Variants in SUPT20H observed in about 807,000 individuals in gnomAD.
SUPT20H encodes the protein transcription factor SPT20 homolog.
A neutral mutation model predicts 122.8 loss-of-function variants in SUPT20H; 82 were observed. That is an observed-to-expected ratio of 0.67 (90% CI 0.56 to 0.80). The LOEUF is 0.80. Among genes scored for constraint, SUPT20H ranks in the 30% least tolerant of loss-of-function variants. The pLI is 0.00. For missense variants in SUPT20H, 831 were observed against 921.6 expected (o/e 0.90, Z 1.27); for synonymous variants, 291 against 313.0 (o/e 0.93, Z 0.74).
At chr13:37,009,837 T>C in intron 25 of SUPT20H, 28 bp from the exon 26 acceptor site, 1 of 1,600,732 alleles carries the variant, frequency 6.2e-7, no homozygotes, top group Non-Finnish European at 8.5e-7. Context: ...AAAAATCGAG[T>C]TATGTTAAAT....
At chr13:37,036,482 G>A (rs1259461075) in intron 9 of SUPT20H, among the ~76,000 whole-genome samples, 1 of 152,052 alleles carries the variant, frequency 6.6e-6, no homozygotes, top group South Asian at 2.1e-4. Context: ...ACGCCACCAT[G>A]TCCAGCTAAT....
chr13:37,025,054 G>A, intron 17 of SUPT20H: 1 of 360,276 alleles, frequency 2.8e-6, no homozygotes, highest in South Asian at 2.2e-5. Flanking sequence ...AGATTCTCCT[G>A]TCTCAGCCTC....
intron 22 of SUPT20H, 43 bp downstream of exon 22, chr13:37,019,299 C>G (rs2061080648): frequency 6.7e-7 from 1 of 1,487,446 alleles, no homozygotes; most frequent in Non-Finnish European, 9.2e-7. Flanking sequence ...GAAAAAAAGT[C>G]AATGTACAAA....
intron 21 of SUPT20H, among the ~76,000 whole-genome samples, chr13:37,020,733 T>C (rs1227365958): frequency 4.6e-5 from 7 of 152,208 alleles, no homozygotes; most frequent in African/African-American, 7.2e-5. Flanking sequence ...TAAATTTTTC[T>C]AGATTGTTTT....
In SUPT20H at chr13:37,044,166, C is replaced by T. The variant is rs375929731; in HGVS notation, c.308G>A (p.Arg103Gln). The T allele has an allele frequency of 6.2e-6, 10 of 1,610,138 alleles. No homozygotes were observed. The highest frequency in any genetic ancestry group is 1.1e-5 in the South Asian group (1 of 90,232). The part of the protein sequence containing the change: ...GKNGSDSETI[R>Q]LPYEEGELLE... Reference sequence around the variant, plus strand: ...CAACTCTCCTTCTTCATAGGGCAGTCGAATGGTCTCGGAATCTTAATTTAA... The same window carrying T: ...CAACTCTCCTTCTTCATAGGGCAGTTGAATGGTCTCGGAATCTTAATTTAA... The change falls in exon 7 of 26, where the codon CGA becomes CAA. Residue 103 changes from arginine (R) to glutamine (Q), a missense_variant. Physicochemically the swap from Arg to Gln is conservative, Grantham distance 43. Transcript: ENST00000350612.
rs1378949658 is a variant in SUPT20H, at chr13:37,048,744, T to C, written c.4-145A>G. On this transcript the variant is annotated intron_variant, in intron 2 of 25. Transcript: ENST00000350612. ...CCTCCACTCCACTCTATGATCAATATATATATAACAAAGAAAAAATATGAG... is the reference window on the plus strand; with the variant it reads ...CCTCCACTCCACTCTATGATCAATACATATATAACAAAGAAAAAATATGAG... 1.6e-5 allele frequency: 9 copies of C among 570,580 alleles called. No homozygotes were observed. The East Asian group carries it at 3.0e-4, about 19-fold the overall frequency. 35.3% of individuals were successfully genotyped at this position (570,580 alleles called of 1,614,324 possible).
intron 1 of SUPT20H, among the ~76,000 whole-genome samples, chr13:37,055,907 A>C (rs1209978852): frequency 6.6e-6 from 1 of 152,238 alleles, no homozygotes; most frequent in African/African-American, 2.4e-5. Context: ...CAATGAACTC[A>C]AACAAACTTC....
At chr13:37,010,468 A>T in intron 25 of SUPT20H, 84 bp downstream of exon 25, 1 of 1,258,528 alleles carries the variant, frequency 7.9e-7, no homozygotes, top group East Asian at 2.4e-5. Context: ...AAGACAGTAA[A>T]ATAAAACTAA....
intron 9 of SUPT20H, chr13:37,039,437 G>C (rs866593828): frequency 6.6e-6 from 1 of 152,116 alleles, no homozygotes; most frequent in Non-Finnish European, 1.5e-5. Context: ...CATGGAAACA[G>C]TTTTCTGGGA....
intron 7 of SUPT20H, among the ~76,000 whole-genome samples, chr13:37,040,956 T>C (rs1445457634): frequency 6.6e-6 from 1 of 152,222 alleles, no homozygotes; most frequent in Non-Finnish European, 1.5e-5. Context: ...ATCTACCAAG[T>C]CAACAGTTTG....
chr13:37,017,875 CACT>C (rs1555267569), intron 22 of SUPT20H, among the ~76,000 whole-genome samples: 1 of 152,054 alleles, frequency 6.6e-6, no homozygotes, highest in Non-Finnish European at 1.5e-5. Context: ...TTCTGTAGAC[CACT>C]ACTTTCTCTT....
chr13:37,024,047 T>C lies in SUPT20H; in HGVS notation c.1579A>G (p.Ser527Gly), dbSNP rs1297920674. The C allele has an allele frequency of 1.9e-6, 3 of 1,609,948 alleles. No homozygotes were observed. The highest frequency in any genetic ancestry group is 2.5e-6 in the Non-Finnish European group (3 of 1,178,444). ...AGTTATGACTCACTTTGTGATGAGC[T>C]GGCAGGTGATAGGGCAGCTGGAGAA... ...MLSPAALSPA[S>G]SSQRTTATQV... The change falls in exon 19 of 26, where the codon AGC (serine) becomes GGC (glycine). Residue 527 changes from serine to glycine, a missense_variant. By Grantham distance (56) the Ser-to-Gly change is moderately conservative (BLOSUM62 0). Transcript: ENST00000350612.
At chr13:37,025,005 T>C (rs942042117) in intron 17 of SUPT20H, 5 of 305,512 alleles carry the variant, frequency 1.6e-5, no homozygotes, top group South Asian at 5.6e-5. Flanking sequence ...GCAGTGGCGC[T>C]ATCTCGGCTC....
intron 2 of SUPT20H, among the ~76,000 whole-genome samples, chr13:37,050,358 A>AC (rs1302882651): frequency 6.6e-6 from 1 of 150,904 alleles, no homozygotes; most frequent in East Asian, 1.9e-4. Flanking sequence ...AAAAAAAAAA[A>AC]AAAAAAAAAA....
At chr13:37,024,243 G>T (rs1228333518) in intron 18 of SUPT20H, 50 bp from the exon 19 acceptor site, 1 of 1,556,714 alleles carries the variant, frequency 6.4e-7, no homozygotes, top group Non-Finnish European at 8.7e-7. Context: ...AAACTTCTGT[G>T]AACTGTAGAA....
intron 1 of SUPT20H, among the ~76,000 whole-genome samples, chr13:37,057,973 C>A (rs1286529237): frequency 7.0e-3 from 682 of 97,812 alleles, no homozygotes; most frequent in African/African-American, 8.6e-3. Context: ...GACTCCGTCT[C>A]AAAAAAAAAA....
chr13:37,053,995 C>T (rs1390085134), intron 1 of SUPT20H, among the ~76,000 whole-genome samples: 2 of 152,252 alleles, frequency 1.3e-5, no homozygotes, highest in African/African-American at 2.4e-5. Flanking sequence ...AACACCTCTA[C>T]GCAAATAAAC....
chr13:37,034,622 T>C (rs1420303753), intron 9 of SUPT20H, among the ~76,000 whole-genome samples: 1 of 152,206 alleles, frequency 6.6e-6, no homozygotes, highest in Non-Finnish European at 1.5e-5. Context: ...ATATACAAAC[T>C]GCAACAAGTT....
intron 16 of SUPT20H, 41 bp from the exon 17 acceptor site, chr13:37,025,478 G>A: frequency 7.4e-7 from 1 of 1,357,580 alleles, no homozygotes; most frequent in Non-Finnish European, 1.0e-6. Flanking sequence ...TAGAAAACCT[G>A]TTTTAAACAC....
Sources: allele counts gnomAD v4.1 joint callset (sites outside exome capture counted in the v4.1 genomes callset), GRCh38; gene constraint gnomAD v4.1.1; transcripts MANE v1.5; gene names NCBI Gene and HGNC (gene_info 2026-07-23, HGNC 2026-07-21).